The following ZRANB3 variants were observed in gnomAD, a reference collection of about 807,000 sequenced individuals.
The protein encoded by ZRANB3 is zinc finger RANBP2-type containing 3, also known as DNA annealing helicase and endonuclease ZRANB3.
In ZRANB3, 125 loss-of-function variants were observed where a neutral mutation model predicts 133.8. That is an observed-to-expected ratio of 0.93 (90% confidence interval 0.81 to 1.08). The LOEUF (loss-of-function observed/expected upper bound fraction) is 1.08. Ranked by LOEUF, ZRANB3 falls within the 50% of genes least tolerant of loss-of-function variation. The pLI, the probability that ZRANB3 is intolerant of heterozygous loss-of-function variation, is 0.00. For missense variants in ZRANB3, 1,229 were observed against 1,275.5 expected (o/e 0.96, Z 0.56); for synonymous variants, 387 against 432.7 (o/e 0.89, Z 1.31).
chr2:135,362,815 A>C (rs535215488), intron 3 of ZRANB3, among the ~76,000 whole-genome samples: 1 of 152,214 alleles, frequency 6.6e-6, no homozygotes, highest in South Asian at 2.1e-4. Context: ...AAGAATAGAC[A>C]TTTCTAGTGG....
intron 1 of ZRANB3, among the ~76,000 whole-genome samples, chr2:135,505,388 A>G (rs1693129137): frequency 6.6e-6 from 1 of 152,142 alleles, no homozygotes; most frequent in Non-Finnish European, 1.5e-5. Flanking sequence ...AGACTGGCCA[A>G]TATGTTGAAA....
At chr2:135,411,780 A>T (rs1303868377) in intron 2 of ZRANB3, among the ~76,000 whole-genome samples, 2 of 152,166 alleles carry the variant, frequency 1.3e-5, no homozygotes, top group African/African-American at 4.8e-5. Context: ...GGTAGAGGCA[A>T]AGGCGGGCAA....
Position 135,504,381 on chromosome 2 carries a change from G to A in ZRANB3, c.109C>T (p.Leu37=). The A allele has an allele frequency of 6.2e-7, 1 of 1,613,656 alleles. No individual in the cohort carries two copies. The highest frequency in any genetic ancestry group is 8.5e-7 in the Non-Finnish European group (1 of 1,179,716). Residue 37 remains leucine, a synonymous_variant, in exon 2 of 21, where the codon CTA becomes TTA. Coordinates refer to ENST00000264159, the MANE Select transcript of ZRANB3 (RefSeq NM_032143.4). ...DFLPDRLRAK[L]LPFQKDGIIF... is the part of the protein sequence containing the mutation. ...ATGCCATCTTTCTGGAATGGAAGTA[G>A]CTTTGCTCTTAGTCTGTCAGGCAAA...
chr2:135,276,220 A>C (rs114728952), intron 8 of ZRANB3, among the ~76,000 whole-genome samples: 1,594 of 151,994 alleles, frequency 0.01, 26 homozygotes, highest in Middle Eastern at 0.055. Context: ...ACTGAAGCTT[A>C]AGGTTTAAGG....
chr2:135,415,719 G>C (rs1688537546), intron 2 of ZRANB3, among the ~76,000 whole-genome samples: 1 of 152,284 alleles, frequency 6.6e-6, no homozygotes, highest in Admixed American at 6.5e-5. Flanking sequence ...TAAAATACTG[G>C]CAAACCGAAT....
chr2:135,417,085 G>A (rs1350033263), intron 2 of ZRANB3, among the ~76,000 whole-genome samples: 4 of 152,116 alleles, frequency 2.6e-5, no homozygotes, highest in Non-Finnish European at 5.9e-5. Flanking sequence ...AAAAGCAATG[G>A]CAACAAAAGC....
intron 2 of ZRANB3, among the ~76,000 whole-genome samples, chr2:135,462,072 A>G (rs138328878): frequency 2.6e-5 from 4 of 152,324 alleles, no homozygotes; most frequent in African/African-American, 9.6e-5. Flanking sequence ...AGGCAAATGC[A>G]ATTTAAAGTA....
intron 2 of ZRANB3, among the ~76,000 whole-genome samples, chr2:135,497,367 G>A (rs1357158082): frequency 6.6e-6 from 1 of 152,178 alleles, no homozygotes; most frequent in Non-Finnish European, 1.5e-5. Context: ...GAAGTATGAA[G>A]AAGTATGGTA....
rs758541263 is a variant in ZRANB3 at position 135,199,055 on chromosome 2, G to T, written c.*1287C>A. 6.6e-6 allele frequency: 1 copy of T among 152,126 alleles called. No homozygotes were observed. The highest frequency in any genetic ancestry group is 2.4e-5 in the African/African-American group (1 of 41,418). The allele number at this position is 152,126 out of a possible 1,614,324, so 9.4% of individuals were successfully genotyped here. A position where few individuals can be genotyped will look rare whatever the true frequency, so the allele number is the denominator to read the frequency against. ...GCCCTCATGATTCTGACATATTGCA[G>T]GACTAGGCCCTGGGTTTGTTTCATC... On this transcript the variant is annotated 3_prime_UTR_variant, in exon 21 of 21. Coordinates refer to ENST00000264159, the MANE Select transcript of ZRANB3 (RefSeq NM_032143.4).
chr2:135,413,633 T>G (rs1256606998), intron 2 of ZRANB3, among the ~76,000 whole-genome samples: 1 of 152,052 alleles, frequency 6.6e-6, no homozygotes, highest in Non-Finnish European at 1.5e-5. Flanking sequence ...TCTAGGGTAT[T>G]TATAATTATA....
intron 2 of ZRANB3, among the ~76,000 whole-genome samples, chr2:135,464,829 G>T (rs1690912868): frequency 6.6e-6 from 1 of 152,210 alleles, no homozygotes; most frequent in Non-Finnish European, 1.5e-5. Flanking sequence ...TAGCTAACAA[G>T]AGTTGCTGAA....
At chr2:135,491,437 C>T (rs1006468973) in intron 2 of ZRANB3, among the ~76,000 whole-genome samples, 21 of 152,240 alleles carry the variant, frequency 1.4e-4, no homozygotes, top group African/African-American at 3.4e-4. Context: ...CTCCACCTCC[C>T]GGGTTTATGC....
chr2:135,413,719 T>C (rs1688419358), intron 2 of ZRANB3, among the ~76,000 whole-genome samples: 1 of 152,068 alleles, frequency 6.6e-6, no homozygotes, highest in African/African-American at 2.4e-5. Context: ...CAAGATAAAC[T>C]CAGCCCTCTA....
intron 4 of ZRANB3, among the ~76,000 whole-genome samples, chr2:135,352,376 T>C (rs1685247623): frequency 6.6e-6 from 1 of 151,748 alleles, no homozygotes; most frequent in African/African-American, 2.4e-5. Context: ...AAATAAGGTA[T>C]ACCAAACAGA....
At chr2:135,403,534 T>C (rs566939553) in intron 2 of ZRANB3, among the ~76,000 whole-genome samples, 3 of 152,336 alleles carry the variant, frequency 2.0e-5, no homozygotes, top group Admixed American at 6.5e-5. Flanking sequence ...GGGCAGGGCA[T>C]TGCCAAACAA....
At chr2:135,378,018 T>C (rs186293451) in intron 3 of ZRANB3, among the ~76,000 whole-genome samples, 352 of 152,340 alleles carry the variant, frequency 2.3e-3, no homozygotes, top group African/African-American at 6.1e-3. Flanking sequence ...CCCTGGAACA[T>C]TGGACTCCCA....
intron 10 of ZRANB3, among the ~76,000 whole-genome samples, 175 bp downstream of exon 10, chr2:135,271,586 GTCAAAGA>G (rs1237414866): frequency 6.6e-6 from 1 of 152,148 alleles, no homozygotes; most frequent in Non-Finnish European, 1.5e-5. Flanking sequence ...GGAGATCTGT[GTCAAAGA>G]CATCGAGGCC....
intron 2 of ZRANB3, among the ~76,000 whole-genome samples, chr2:135,454,963 A>G (rs1314341632): frequency 6.6e-6 from 1 of 152,128 alleles, no homozygotes; most frequent in Non-Finnish European, 1.5e-5. Context: ...TTCCATTCCC[A>G]TTCTCCAAAT....
rs1466349043 is a variant in ZRANB3, at chr2:135,487,353, G to A, written c.161+16976C>T. 3.9e-5 allele frequency among the ~76,000 whole-genome samples: 6 copies of A among 152,150 alleles called. 1 individual carries two copies. Among genetic ancestry groups the A allele is most frequent in the Non-Finnish European group, 8.8e-5 (6 of 68,020 alleles). ...CTGAAAGGCTCTAGGATATTCAGAT[G>A]GTCAATGAGCACTGGCTTCACCTTA... On this transcript the variant is annotated intron_variant, in intron 2 of 20. Transcript: ENST00000264159.
Sources: gnomAD v4.1 joint callset for allele counts (sites outside exome capture counted in the v4.1 genomes callset) on GRCh38, gnomAD v4.1.1 for gene constraint, MANE v1.5 for transcripts, NCBI Gene and HGNC (gene_info 2026-07-23, HGNC 2026-07-21) for gene names.